Variants in GPR39 observed in about 807,000 individuals in gnomAD.
GPR39 encodes zinc sensing receptor.
Under a neutral mutation model 18.4 loss-of-function variants are expected in GPR39, and 23 were observed. The observed-to-expected ratio is 1.25, with a 90% CI of 0.90 to 1.77. The LOEUF (loss-of-function observed/expected upper bound fraction) is 1.77, where lower values mean the gene tolerates loss of function less well. GPR39 is among the 40% of genes most tolerant of loss of function. The pLI is 0.00. For missense variants in GPR39, 647 were observed against 602.4 expected, an observed-to-expected ratio of 1.07 and a Z score of -0.78; for synonymous variants, 280 against 257.9, an observed-to-expected ratio of 1.09 and a Z score of -0.82.
intron 1 of GPR39, among the ~76,000 whole-genome samples, chr2:132,518,015 G>A (rs1679363513): frequency 6.6e-6 from 1 of 152,050 alleles, no homozygotes; most frequent in South Asian, 2.1e-4. Context: ...AAATGTATTG[G>A]CATAACAAGT....
At chr2:132,520,563 G>T (rs1008732172) in intron 1 of GPR39, among the ~76,000 whole-genome samples, 30 of 152,218 alleles carry the variant, frequency 2.0e-4, no homozygotes, top group African/African-American at 6.3e-4. Flanking sequence ...AACTGATGAT[G>T]AGACTAAGTC....
chr2:132,442,224 C>G (rs532356908), intron 1 of GPR39, among the ~76,000 whole-genome samples: 1 of 152,266 alleles, frequency 6.6e-6, no homozygotes, highest in South Asian at 2.1e-4. Flanking sequence ...TAGAAAAACA[C>G]AAATCGTGAA....
chr2:132,517,592 G>C (rs1292654713), intron 1 of GPR39, among the ~76,000 whole-genome samples: 4 of 152,198 alleles, frequency 2.6e-5, no homozygotes, highest in Non-Finnish European at 5.9e-5. Context: ...AGGAAAGAGA[G>C]AATGACTCAG....
intron 1 of GPR39, among the ~76,000 whole-genome samples, chr2:132,598,452 T>TTA: frequency 7.1e-6 from 1 of 140,926 alleles, no homozygotes; most frequent in Non-Finnish European, 1.5e-5. Flanking sequence ...TTTTTTTTTT[T>TTA]AAGCAATGGG....
intron 1 of GPR39, among the ~76,000 whole-genome samples, chr2:132,492,811 A>G (rs1681517508): frequency 7.0e-6 from 1 of 142,212 alleles, no homozygotes; most frequent in Admixed American, 7.2e-5. Flanking sequence ...CCATATATAT[A>G]CATACCATAT....
intron 1 of GPR39, among the ~76,000 whole-genome samples, chr2:132,532,356 C>T (rs1352197032): frequency 4.6e-5 from 7 of 152,058 alleles, no homozygotes; most frequent in African/African-American, 1.4e-4. Context: ...TAATTAATAG[C>T]TTACCAACCC....
chr2:132,471,252 C>A (rs868630431), intron 1 of GPR39, among the ~76,000 whole-genome samples: 1 of 152,048 alleles, frequency 6.6e-6, no homozygotes, highest in Non-Finnish European at 1.5e-5. Context: ...AATAGTCCAT[C>A]CAGTTAGAGG....
chr2:132,502,042 A>G (rs1204316966), intron 1 of GPR39, among the ~76,000 whole-genome samples: 2 of 152,172 alleles, frequency 1.3e-5, no homozygotes, highest in Non-Finnish European at 2.9e-5. Context: ...GCCATCTTGT[A>G]TCTTTTAAGT....
At chr2:132,451,402 T>A (rs551138504) in intron 1 of GPR39, among the ~76,000 whole-genome samples, 1 of 152,342 alleles carries the variant, frequency 6.6e-6, no homozygotes, top group East Asian at 1.9e-4. Context: ...GTCTTGCCCA[T>A]GTTGCTCATT....
intron 1 of GPR39, among the ~76,000 whole-genome samples, chr2:132,462,284 G>A (rs1264892731): frequency 1.3e-5 from 2 of 152,202 alleles, no homozygotes; most frequent in East Asian, 3.9e-4. Context: ...AGGCCTTGTA[G>A]TATCAAGAGG....
At chr2:132,455,977 T>C (rs1680720482) in intron 1 of GPR39, among the ~76,000 whole-genome samples, 1 of 152,186 alleles carries the variant, frequency 6.6e-6, no homozygotes, top group Admixed American at 6.5e-5. Context: ...TGGAGAATTC[T>C]GTAGATGTCT....
At chr2:132,552,711 G>A (rs11891164) in intron 1 of GPR39, among the ~76,000 whole-genome samples, 2,214 of 151,684 alleles carry the variant, frequency 0.015, 52 homozygotes, top group African/African-American at 0.05. Context: ...AAGCCTTTAA[G>A]TCTCATAAAA....
rs1679933607 is a variant in GPR39, at chr2:132,417,679, C to T, written c.637C>T (p.Leu213Phe). The T allele has an allele frequency of 1.9e-6, 3 of 1,614,212 alleles. No individual in the cohort carries two copies. The highest frequency in any genetic ancestry group is 8.5e-7 in the Non-Finnish European group (1 of 1,180,048). ...ETSNMSICTN[L>F]SSRWTVFQSS... Reference sequence around the variant, plus strand: ...CTCCAATATGTCCATCTGTACCAACCTCTCCAGCCGCTGGACCGTGTTCCA... The same window carrying T: ...CTCCAATATGTCCATCTGTACCAACTTCTCCAGCCGCTGGACCGTGTTCCA... The change falls in exon 1 of 2, where the codon CTC (leucine) becomes TTC (phenylalanine). Residue 213 changes from leucine to phenylalanine, a missense_variant. Coordinates refer to ENST00000329321, the MANE Select transcript of GPR39 (RefSeq NM_001508.3).
At chr2:132,516,624 A>T (rs1280328540) in intron 1 of GPR39, among the ~76,000 whole-genome samples, 8 of 152,226 alleles carry the variant, frequency 5.3e-5, no homozygotes, top group Non-Finnish European at 8.8e-5. Flanking sequence ...GATAACCTTC[A>T]GGAAAGGTAT....
intron 1 of GPR39, among the ~76,000 whole-genome samples, chr2:132,595,152 C>A (rs1680914389): frequency 6.6e-6 from 1 of 152,174 alleles, no homozygotes; most frequent in Non-Finnish European, 1.5e-5. Context: ...GCGTACGCTA[C>A]CATGCCTGGC....
intron 1 of GPR39, among the ~76,000 whole-genome samples, chr2:132,505,197 C>G (rs1679112657): frequency 6.6e-6 from 1 of 152,162 alleles, no homozygotes; most frequent in Admixed American, 6.5e-5. Flanking sequence ...CAGGGCATCA[C>G]AATGGTGAGA....
intron 1 of GPR39, among the ~76,000 whole-genome samples, chr2:132,612,516 T>G (rs1681254903): frequency 6.6e-6 from 1 of 152,220 alleles, no homozygotes; most frequent in Non-Finnish European, 1.5e-5. Context: ...AATTGACTTT[T>G]GTGTATGGTG....
intron 1 of GPR39, among the ~76,000 whole-genome samples, chr2:132,471,475 G>A (rs1225054326): frequency 6.6e-6 from 1 of 152,108 alleles, no homozygotes; most frequent in African/African-American, 2.4e-5. Context: ...TGTGGGGTTA[G>A]GATGCACAGC....
intron 1 of GPR39, among the ~76,000 whole-genome samples, chr2:132,636,001 G>A (rs1337986378): frequency 6.6e-6 from 1 of 152,130 alleles, no homozygotes; most frequent in African/African-American, 2.4e-5. Context: ...GGAACTAGGA[G>A]GAATAAATTT....
Sources: allele counts gnomAD v4.1 joint callset (sites outside exome capture counted in the v4.1 genomes callset), GRCh38; gene constraint gnomAD v4.1.1; transcripts MANE v1.5; gene names NCBI Gene and HGNC (gene_info 2026-07-23, HGNC 2026-07-21).